Variants in FGFR2 observed in about 807,000 individuals in gnomAD.
FGFR2 encodes BEK fibroblast growth factor receptor.
Under a neutral mutation model 95.9 loss-of-function variants are expected in FGFR2, and 19 were observed. The ratio of observed to expected loss-of-function variants is 0.20; its 90% confidence interval spans 0.14 to 0.29. FGFR2 has a LOEUF of 0.29. Ranked by LOEUF, FGFR2 falls within the 10% of genes least tolerant of loss-of-function variation. FGFR2 has a pLI of 1.00. For synonymous variants in FGFR2, 392 were observed against 393.3 expected (o/e 1.00, Z 0.04); for missense variants, 707 against 1,056.9 (o/e 0.67, Z 4.59).
intron 4 of FGFR2, among the ~76,000 whole-genome samples, chr10:121,555,849 T>C (rs1185720158): frequency 4.6e-5 from 7 of 152,200 alleles, no homozygotes; most frequent in Non-Finnish European, 1.0e-4. Context: ...TCTTTTAAGA[T>C]GCAATGAGTT....
chr10:121,491,576 A>G (rs1391984219), intron 13 of FGFR2, among the ~76,000 whole-genome samples: 1 of 152,158 alleles, frequency 6.6e-6, no homozygotes, highest in Admixed American at 6.5e-5. Context: ...GGCTTCACTA[A>G]AAAAACTGCT....
At chr10:121,524,106 A>G (rs1257036820) in intron 6 of FGFR2, among the ~76,000 whole-genome samples, 1 of 66,202 alleles carries the variant, frequency 1.5e-5, no homozygotes, top group Non-Finnish European at 3.9e-5. Context: ...ATGTATACAC[A>G]CACACACACA....
intron 6 of FGFR2, among the ~76,000 whole-genome samples, chr10:121,522,772 A>C (rs2134357757): frequency 6.6e-6 from 1 of 152,230 alleles, no homozygotes; most frequent in Non-Finnish European, 1.5e-5. Context: ...CTCCATCCCA[A>C]CAGGCCTGCA....
rs1165375559 is a variant in FGFR2, at chr10:121,518,248, G to A, written c.940-785C>T. Reference sequence around the variant, plus strand: ...TCAACCATGCAACCAAAGAAATGATGCTTTGTTGAACAAATTGCATCTTGC... The same window carrying A: ...TCAACCATGCAACCAAAGAAATGATACTTTGTTGAACAAATTGCATCTTGC... On this transcript the variant is annotated intron_variant, in intron 7 of 17. Transcript: ENST00000358487. The surrounding 1 kb of genome is among the most constrained non-coding windows in gnomAD (Gnocchi z 4.0). 6.6e-6 allele frequency among the ~76,000 whole-genome samples: 1 copy of A among 152,178 alleles called. No individual in the cohort carries two copies. The highest frequency in any genetic ancestry group is 1.5e-5 in the Non-Finnish European group (1 of 68,038).
At chr10:121,593,418 C>G (rs926376054) in intron 2 of FGFR2, among the ~76,000 whole-genome samples, 1 of 152,170 alleles carries the variant, frequency 6.6e-6, no homozygotes, top group Non-Finnish European at 1.5e-5. Context: ...TTCATCCCTT[C>G]CACAGCTCTC....
At chr10:121,538,409 G>C in intron 6 of FGFR2, 183 bp downstream of exon 6, 2 of 950,018 alleles carry the variant, frequency 2.1e-6, no homozygotes, top group Non-Finnish European at 3.5e-6. Context: ...AACCCTGGCT[G>C]CCTGGAAAAC....
At chr10:121,543,812 G>A (rs866869872) in intron 5 of FGFR2, among the ~76,000 whole-genome samples, 4 of 152,162 alleles carry the variant, frequency 2.6e-5, no homozygotes, top group South Asian at 2.1e-4. Flanking sequence ...CCCTCTGCTC[G>A]GTAAACAACC....
At chr10:121,499,551 T>C (rs1023860547) in intron 11 of FGFR2, among the ~76,000 whole-genome samples, 1 of 152,218 alleles carries the variant, frequency 6.6e-6, no homozygotes, top group Admixed American at 6.5e-5. Flanking sequence ...CTAATATCCT[T>C]CTGTGTCCTT....
intron 16 of FGFR2, 33 bp from the exon 17 acceptor site, chr10:121,483,836 A>G (rs931791248): frequency 6.6e-7 from 1 of 1,507,562 alleles, no homozygotes; most frequent in African/African-American, 1.4e-5. Context: ...AATTAATTTC[A>G]TATGCACTGG....
chr10:121,572,924 C>T (rs186755873), intron 2 of FGFR2, among the ~76,000 whole-genome samples: 247 of 152,288 alleles, frequency 1.6e-3, no homozygotes, highest in Middle Eastern at 0.014. Context: ...TGAAGATAGC[C>T]CCAGGAGGGG....
In FGFR2 at chr10:121,523,484, C is replaced by T. The variant is rs116891858; in HGVS notation, c.749-3315G>A. 3.1e-4 allele frequency among the ~76,000 whole-genome samples: 47 copies of T among 152,264 alleles called. No homozygotes were observed. The East Asian group carries it at 7.3e-3, about 24-fold the overall frequency. ...TGTGGGAAGGGCAGAGTTAAGTCCG[C>T]GCACGAACAGACACACGCTCCTCTC... On this transcript the variant is annotated intron_variant, in intron 6 of 17. Transcript: ENST00000358487.
rs766686066 is a variant in FGFR2, at chr10:121,487,341, G to C, written c.2057+13C>G. On this transcript the variant is annotated intron_variant, in intron 15 of 17. Coordinates refer to ENST00000358487, the MANE Select transcript of FGFR2 (RefSeq NM_000141.5). ...AAGCCCAGGAAAAAGCCAGAGAAAA[G>C]AGAGTTACTCACACATCACTCTGAT... 2 of 1,607,792 alleles carry C rather than the reference G, an allele frequency of 1.2e-6. No homozygotes were observed. The highest frequency in any genetic ancestry group is 8.5e-7 in the Non-Finnish European group (1 of 1,174,258).
intron 2 of FGFR2, among the ~76,000 whole-genome samples, chr10:121,573,311 A>G (rs1452169159): frequency 6.6e-6 from 1 of 152,168 alleles, no homozygotes; most frequent in Non-Finnish European, 1.5e-5. Context: ...AGCTCCCTCC[A>G]TTACTTTTCA....
chr10:121,531,378 C>T lies in FGFR2; in HGVS notation c.748+7214G>A, dbSNP rs951127941. Reference sequence around the variant, plus strand: ...CTAACCAGCCTTTGCCCCCCGGGATCCCTGTTGTGAAACAGGAATGAAAAG... The same window carrying T: ...CTAACCAGCCTTTGCCCCCCGGGATTCCTGTTGTGAAACAGGAATGAAAAG... On this transcript the variant is annotated intron_variant, in intron 6 of 17. Coordinates refer to ENST00000358487, the MANE Select transcript of FGFR2 (RefSeq NM_000141.5). The surrounding 1 kb of genome is among the most constrained non-coding windows in gnomAD (Gnocchi z 4.5). 2.6e-5 allele frequency: 4 copies of T among 152,140 alleles called. No homozygotes were observed. Among genetic ancestry groups the T allele is most frequent in the Non-Finnish European group, 4.4e-5 (3 of 68,032 alleles). 9.4% of individuals were successfully genotyped at this position (152,140 alleles called of 1,614,324 possible). A position where few individuals can be genotyped will look rare whatever the true frequency, so the allele number is the denominator to read the frequency against.
In FGFR2 at chr10:121,579,352, C is replaced by T. The variant is rs541115133; in HGVS notation, c.110-13648G>A. On this transcript the variant is annotated intron_variant, in intron 2 of 17. Transcript: ENST00000358487. ...CAGTCCTGGGTTCCTGTTTACGGGG[C>T]GTAACTGGCCTGCAGATTGCTTTTT... Among the ~76,000 whole-genome samples the T allele has an allele frequency of 3.2e-4, 49 of 152,296 alleles. 1 individual carries two copies. The highest frequency in any genetic ancestry group is 5.7e-4 in the Non-Finnish European group (39 of 68,018).
At chr10:121,537,026 T>C (rs1852935041) in intron 6 of FGFR2, among the ~76,000 whole-genome samples, 1 of 152,242 alleles carries the variant, frequency 6.6e-6, no homozygotes, top group African/African-American at 2.4e-5. Context: ...AGTGTATCAA[T>C]GCCAACACAA....
chr10:121,510,659 C>T (rs1430329758), intron 9 of FGFR2, among the ~76,000 whole-genome samples: 1 of 152,104 alleles, frequency 6.6e-6, no homozygotes, highest in East Asian at 1.9e-4. Flanking sequence ...TCACACATTC[C>T]TCCCCCGAGG....
chr10:121,505,179 T>A (rs1848114857), intron 9 of FGFR2, among the ~76,000 whole-genome samples: 1 of 152,240 alleles, frequency 6.6e-6, no homozygotes, highest in South Asian at 2.1e-4. Context: ...CCAGAGGACC[T>A]GTCCTGTTTG....
intron 4 of FGFR2, among the ~76,000 whole-genome samples, chr10:121,561,842 AGT>A (rs1857025447): frequency 1.3e-5 from 2 of 152,264 alleles, no homozygotes; most frequent in Non-Finnish European, 2.9e-5. Context: ...ATAACTCGAC[AGT>A]AAGAAAACAA....
Sources: allele counts gnomAD v4.1 joint callset (sites outside exome capture counted in the v4.1 genomes callset), GRCh38; gene constraint gnomAD v4.1.1; non-coding constraint Gnocchi (gnomAD v3.1); transcripts MANE v1.5; gene names NCBI Gene and HGNC (gene_info 2026-07-23, HGNC 2026-07-21).